Variants in KIF15 observed in about 807,000 individuals in gnomAD.
KIF15 encodes the protein kinesin family member 15.
In KIF15, 140 loss-of-function variants were observed where a neutral mutation model predicts 190.6. That is an observed-to-expected ratio of 0.73 (90% CI 0.64 to 0.84). KIF15 has a LOEUF of 0.84. KIF15 is among the 40% of genes least tolerant of loss of function. The pLI, the probability that KIF15 is intolerant of heterozygous loss-of-function variation, is 0.00. For synonymous variants in KIF15, 528 were observed against 551.3 expected (o/e 0.96, Z 0.59); for missense variants, 1,372 against 1,584.4 (o/e 0.87, Z 2.28).
chr3:44,821,357 A>T (rs1317459301), intron 20 of KIF15, among the ~76,000 whole-genome samples: 1 of 146,618 alleles, frequency 6.8e-6, no homozygotes, highest in Non-Finnish European at 1.5e-5. Flanking sequence ...GACGCTCCTC[A>T]CTTCTCAGAC....
At chr3:44,804,281 A>G (rs989782810) in intron 14 of KIF15, among the ~76,000 whole-genome samples, 1 of 152,176 alleles carries the variant, frequency 6.6e-6, no homozygotes, top group Admixed American at 6.5e-5. Flanking sequence ...ATCAGTTTCT[A>G]AACATTGATC....
rs1387917833 is a variant in KIF15, at chr3:44,810,931, T to G, written c.2057T>G (p.Leu686Arg). 1 of 1,613,902 alleles carries G rather than the reference T, an allele frequency of 6.2e-7. No homozygotes were observed. The highest frequency in any genetic ancestry group is 8.5e-7 in the Non-Finnish European group (1 of 1,179,886). The change falls in exon 17 of 35, where the codon CTA (leucine) becomes CGA (arginine). Residue 686 changes from leucine (L) to arginine (R), a missense_variant. Physicochemically the swap from Leu to Arg is moderately radical, Grantham distance 102 (BLOSUM62 -2). Coordinates refer to ENST00000326047, the MANE Select transcript of KIF15 (RefSeq NM_020242.3). ...LSPEMGSFGS[L>R]YTQNSSILDN... is the part of the protein sequence containing the mutation. The stretch of plus-strand genomic sequence containing the variant: ...CCTGAAATGGGAAGCTTTGGCTCTC[T>G]ATACACTCAGAATTCTAGCATATTA...
intron 6 of KIF15, chr3:44,861,890 G>A (rs1491001042): frequency 7.4e-6 from 11 of 1,489,194 alleles, no homozygotes; most frequent in African/African-American, 1.5e-5. Context: ...CTGCCCTGCG[G>A]GCAGCGGGTG....
chr3:44,846,160 T>C (rs1698838961), intron 30 of KIF15, among the ~76,000 whole-genome samples: 1 of 152,164 alleles, frequency 6.6e-6, no homozygotes, highest in Non-Finnish European at 1.5e-5. Flanking sequence ...AAACAAAGCT[T>C]AGCAGGAGAG....
At chr3:44,861,337 T>C (rs905647850) in intron 6 of KIF15, among the ~76,000 whole-genome samples, 1 of 152,248 alleles carries the variant, frequency 6.6e-6, no homozygotes, top group Non-Finnish European at 1.5e-5. Flanking sequence ...TTAGAAGTCA[T>C]GTTGATTCTG....
rs114237812 is a variant in KIF15, at chr3:44,783,119, G to A, written c.362-1726G>A. Among the ~76,000 whole-genome samples the A allele has an allele frequency of 5.7e-3, 865 of 152,218 alleles. 7 individuals are homozygous for A. The highest frequency in any genetic ancestry group is 0.02 in the African/African-American group (830 of 41,532). On this transcript the variant is annotated intron_variant, in intron 5 of 34. Coordinates refer to ENST00000326047, the MANE Select transcript of KIF15 (RefSeq NM_020242.3). ...AGTGGGTTAGGCAAGAGATGATGAA[G>A]GTAATTAAAGATTTGTTGAATCTTT...
chr3:44,846,095 G>A (rs544209956), intron 30 of KIF15, among the ~76,000 whole-genome samples: 1 of 152,338 alleles, frequency 6.6e-6, no homozygotes, highest in African/African-American at 2.4e-5. Flanking sequence ...TTGACAGGCA[G>A]TTCCAGTAGC....
intron 6 of KIF15, chr3:44,862,126 G>C: frequency 8.1e-7 from 1 of 1,239,242 alleles, no homozygotes; most frequent in Middle Eastern, 3.1e-4. Flanking sequence ...GGTCGAGCCC[G>C]GGGCGCTGTT....
rs757055914 is a variant in KIF15, at chr3:44,778,121, G to A, written c.253G>A (p.Val85Ile). Residue 85 changes from valine (V) to isoleucine (I), a missense_variant, in exon 4 of 35, where the codon GTA (valine) becomes ATA (isoleucine). Coordinates refer to ENST00000326047, the MANE Select transcript of KIF15 (RefSeq NM_020242.3). Reference sequence around the variant, plus strand: ...TGTTTGGTTACATTTGTAGGAATCTGTATTCGCAACTGTGGCTAAAAGCAT... The same window carrying A: ...TGTTTGGTTACATTTGTAGGAATCTATATTCGCAACTGTGGCTAAAAGCAT... Reference protein sequence around the residue: ...VADVDTTQESVFATVAKSIVE... With the variant: ...VADVDTTQESIFATVAKSIVE... The A allele has an allele frequency of 6.2e-7, 1 of 1,612,754 alleles. No individual in the cohort carries two copies. The highest frequency in any genetic ancestry group is 2.2e-5 in the East Asian group (1 of 44,862).
At chr3:44,773,656 C>A (rs934652785) in intron 1 of KIF15, among the ~76,000 whole-genome samples, 2 of 152,188 alleles carry the variant, frequency 1.3e-5, no homozygotes, top group African/African-American at 4.8e-5. Flanking sequence ...GAAGGGGGCA[C>A]AGTTTCCTCT....
At chr3:44,864,999 C>T (rs780538170) in intron 6 of KIF15, 1 of 1,609,526 alleles carries the variant, frequency 6.2e-7, no homozygotes, top group Non-Finnish European at 8.5e-7. Context: ...TTGTGCCCAC[C>T]TGCTGAAGTT....
chr3:44,847,280 A>G (rs773354730), intron 30 of KIF15, among the ~76,000 whole-genome samples: 1 of 152,188 alleles, frequency 6.6e-6, no homozygotes, highest in Non-Finnish European at 1.5e-5. Flanking sequence ...AACATTCAGG[A>G]AGGTTCTCCA....
chr3:44,768,263 A>C (rs1480756084), intron 1 of KIF15, among the ~76,000 whole-genome samples: 1 of 150,360 alleles, frequency 6.7e-6, no homozygotes, highest in Non-Finnish European at 1.5e-5. Flanking sequence ...ACAGAGCAAG[A>C]CTCCGTCTCA....
At chr3:44,773,633 G>A (rs1448370062) in intron 1 of KIF15, among the ~76,000 whole-genome samples, 1 of 152,198 alleles carries the variant, frequency 6.6e-6, no homozygotes, top group African/African-American at 2.4e-5. Context: ...ACCCCTGAGA[G>A]CGATGAGGGG....
At chr3:44,821,349 C>T (rs985950694) in intron 20 of KIF15, among the ~76,000 whole-genome samples, 6 of 151,968 alleles carry the variant, frequency 3.9e-5, no homozygotes, top group Admixed American at 2.6e-4. Context: ...GGGGCGGTGA[C>T]GCTCCTCACT....
intron 6 of KIF15, among the ~76,000 whole-genome samples, chr3:44,865,862 C>T (rs1575703866): frequency 6.6e-6 from 1 of 152,244 alleles, no homozygotes; most frequent in East Asian, 1.9e-4. Flanking sequence ...CTTTGAACTG[C>T]ACAGGGTCTG....
chr3:44,794,910 T>C (rs1706901095), intron 8 of KIF15, among the ~76,000 whole-genome samples: 1 of 152,014 alleles, frequency 6.6e-6, no homozygotes, highest in Non-Finnish European at 1.5e-5. Context: ...TGCAGTGAGC[T>C]GAGATCGCGC....
chr3:44,864,779 G>A (rs573444775), intron 6 of KIF15, among the ~76,000 whole-genome samples: 1 of 152,304 alleles, frequency 6.6e-6, no homozygotes, highest in African/African-American at 2.4e-5. Flanking sequence ...CCATGTACCT[G>A]CTGTGTCTAC....
chr3:44,831,065 C>G (rs368558353), intron 26 of KIF15, 47 bp downstream of exon 26: 60 of 1,584,720 alleles, frequency 3.8e-5, no homozygotes, highest in Non-Finnish European at 5.1e-5. Flanking sequence ...TATTACTTGT[C>G]AATATGTGTA....
Sources: allele counts gnomAD v4.1 joint callset (sites outside exome capture counted in the v4.1 genomes callset), GRCh38; gene constraint gnomAD v4.1.1; transcripts MANE v1.5; gene names NCBI Gene and HGNC (gene_info 2026-07-23, HGNC 2026-07-21).